RABGAP1L: variants seen among roughly 807,000 people sequenced by gnomAD.
The protein encoded by RABGAP1L is RAB GTPase activating protein 1 like.
A neutral mutation model predicts 137.7 loss-of-function variants in RABGAP1L; 63 were observed. That is an observed-to-expected ratio of 0.46 (90% CI 0.37 to 0.56). The LOEUF (loss-of-function observed/expected upper bound fraction) is 0.56. Among genes scored for constraint, RABGAP1L ranks in the 20% least tolerant of loss-of-function variants. The pLI is 0.00. For missense variants in RABGAP1L, 1,095 were observed against 1,244.0 expected, an observed-to-expected ratio of 0.88 and a Z score of 1.80; for synonymous variants, 431 against 433.7, an observed-to-expected ratio of 0.99 and a Z score of 0.08.
chr1:174,307,309 A>G (rs1359898413), intron 11 of RABGAP1L, among the ~76,000 whole-genome samples: 1 of 152,112 alleles, frequency 6.6e-6, no homozygotes, highest in East Asian at 1.9e-4. Context: ...AAATTCACAT[A>G]ACATGAAAAT....
At chr1:174,502,353 T>C (rs1025829055) in intron 13 of RABGAP1L, among the ~76,000 whole-genome samples, 1 of 151,468 alleles carries the variant, frequency 6.6e-6, no homozygotes, top group Admixed American at 6.6e-5. Flanking sequence ...CCACTGACAA[T>C]GAGGCACACC....
At chr1:174,433,586 T>C (rs1313735656) in intron 13 of RABGAP1L, among the ~76,000 whole-genome samples, 2 of 152,228 alleles carry the variant, frequency 1.3e-5, no homozygotes, top group African/African-American at 4.8e-5. Flanking sequence ...GCATTTGATA[T>C]GTCTTTTCTC....
intron 13 of RABGAP1L, among the ~76,000 whole-genome samples, chr1:174,603,039 G>C (rs1230062396): frequency 6.6e-6 from 1 of 152,036 alleles, no homozygotes; most frequent in Admixed American, 6.6e-5. Context: ...GAAGAGTTAG[G>C]TATTTGTTTT....
At chr1:174,523,174 T>G (rs1371072670) in intron 13 of RABGAP1L, among the ~76,000 whole-genome samples, 8 of 152,180 alleles carry the variant, frequency 5.3e-5, no homozygotes, top group Non-Finnish European at 1.2e-4. Flanking sequence ...GACTTACAAA[T>G]TCCCTGGGAG....
At chr1:174,918,725 C>T (rs1661285324) in intron 19 of RABGAP1L, among the ~76,000 whole-genome samples, 1 of 151,802 alleles carries the variant, frequency 6.6e-6, no homozygotes, top group African/African-American at 2.4e-5. Context: ...TATAGTGAGC[C>T]AAAATTGTGC....
At chr1:174,421,288 T>C (rs757000422) in intron 13 of RABGAP1L, among the ~76,000 whole-genome samples, 8 of 152,142 alleles carry the variant, frequency 5.3e-5, no homozygotes, top group Non-Finnish European at 1.0e-4. Flanking sequence ...ACCGTTAGAG[T>C]CTTACGTACA....
chr1:174,539,262 TA>T (rs1454040328), intron 13 of RABGAP1L, among the ~76,000 whole-genome samples: 5 of 152,102 alleles, frequency 3.3e-5, no homozygotes, highest in Non-Finnish European at 5.9e-5. Flanking sequence ...ATTTTTGATT[TA>T]TTTTTTTCAT....
At chr1:174,948,920 A>G (rs548881555) in intron 19 of RABGAP1L, 2 of 152,324 alleles carry the variant, frequency 1.3e-5, no homozygotes, top group African/African-American at 2.4e-5. Flanking sequence ...CAATATATGT[A>G]TATTCATTTT....
At chr1:174,800,707 G>T (rs1275149101) in intron 18 of RABGAP1L, among the ~76,000 whole-genome samples, 3 of 152,082 alleles carry the variant, frequency 2.0e-5, no homozygotes, top group Non-Finnish European at 4.4e-5. Flanking sequence ...GGAGATCATG[G>T]CTCTTTTCTC....
chr1:174,357,581 CAT>C, intron 11 of RABGAP1L, among the ~76,000 whole-genome samples: 1 of 152,196 alleles, frequency 6.6e-6, no homozygotes, highest in Middle Eastern at 3.4e-3. Flanking sequence ...TAAAACCAAA[CAT>C]GTTTTCATTA....
intron 13 of RABGAP1L, among the ~76,000 whole-genome samples, chr1:174,532,400 G>A (rs1428784799): frequency 6.6e-6 from 1 of 151,780 alleles, no homozygotes. Flanking sequence ...GTAGAGACAG[G>A]GTTTCACCAT....
intron 19 of RABGAP1L, among the ~76,000 whole-genome samples, chr1:174,954,815 A>G (rs778268913): frequency 2.4e-4 from 37 of 152,180 alleles, no homozygotes; most frequent in Non-Finnish European, 4.4e-4. Flanking sequence ...TCCTAGGGAA[A>G]CATTGGAGAC....
chr1:174,957,471 G>C lies in RABGAP1L; in HGVS notation c.2355G>C (p.Lys785Asn). 1 of 1,613,438 alleles carries C rather than the reference G, an allele frequency of 6.2e-7. No individual in the cohort carries two copies. The highest frequency in any genetic ancestry group is 8.5e-7 in the Non-Finnish European group (1 of 1,179,428). Residue 785 changes from lysine (K) to asparagine (N), a missense_variant, in exon 20 of 26, where the codon AAG becomes AAC. Lys to Asn is a moderately conservative substitution (Grantham distance 94). This residue lies in a region of RABGAP1L where 312 missense variants were observed against 435.6 expected (regional missense o/e 0.72). Transcript: ENST00000681986. Reference sequence around the variant, plus strand: ...AATCCCTGCAGGTACCAACCAAGAAGCTGAAGAAATATGAGAAAGAATATC... The same window carrying C: ...AATCCCTGCAGGTACCAACCAAGAACCTGAAGAAATATGAGAAAGAATATC... Reference protein sequence around the residue: ...QACNIKVPTKKLKKYEKEYQT... With the variant: ...QACNIKVPTKNLKKYEKEYQT...
At chr1:174,329,454 A>G (rs1680824645) in intron 11 of RABGAP1L, among the ~76,000 whole-genome samples, 1 of 152,196 alleles carries the variant, frequency 6.6e-6, no homozygotes. Flanking sequence ...GAAACTGAAA[A>G]TGAAGGAACT....
At chr1:174,366,275 T>G (rs1041986132) in intron 11 of RABGAP1L, among the ~76,000 whole-genome samples, 2 of 152,228 alleles carry the variant, frequency 1.3e-5, no homozygotes, top group African/African-American at 4.8e-5. Context: ...GACCTGAGTT[T>G]TGAGTTTTTC....
intron 13 of RABGAP1L, among the ~76,000 whole-genome samples, chr1:174,519,536 T>A (rs1191290406): frequency 6.6e-6 from 1 of 152,108 alleles, no homozygotes; most frequent in Non-Finnish European, 1.5e-5. Context: ...CCAATGTTAA[T>A]CTCCTTTGGC....
chr1:174,436,884 G>A (rs1421240282), intron 13 of RABGAP1L, among the ~76,000 whole-genome samples: 9 of 152,188 alleles, frequency 5.9e-5, no homozygotes, highest in Admixed American at 2.6e-4. Flanking sequence ...CCAGAGGAAC[G>A]ATCAGGCAGC....
At chr1:174,307,562 C>T (rs1678412911) in intron 11 of RABGAP1L, among the ~76,000 whole-genome samples, 1 of 152,110 alleles carries the variant, frequency 6.6e-6, no homozygotes, top group East Asian at 1.9e-4. Context: ...CAAAATGTGA[C>T]TTTTTGTGTC....
intron 13 of RABGAP1L, among the ~76,000 whole-genome samples, chr1:174,537,701 G>A (rs1007690977): frequency 6.6e-6 from 1 of 152,162 alleles, no homozygotes; most frequent in African/African-American, 2.4e-5. Flanking sequence ...ATCTGCCATC[G>A]TGTGAATTTT....
Sources: gnomAD v4.1 joint callset for allele counts (sites outside exome capture counted in the v4.1 genomes callset) on GRCh38, gnomAD v4.1.1 for gene constraint, gnomAD v4.1.1 regional missense constraint, MANE v1.5 for transcripts, NCBI Gene and HGNC (gene_info 2026-07-23, HGNC 2026-07-21) for gene names.